Variants in BTBD2 observed in about 807,000 individuals in gnomAD.
BTBD2 encodes BTB/POZ domain-containing protein 2.
Under a neutral mutation model 44.0 loss-of-function variants are expected in BTBD2, and 15 were observed. That is an observed-to-expected ratio of 0.34 (90% CI 0.23 to 0.53). The LOEUF is 0.53. Ranked by LOEUF, BTBD2 falls within the 20% of genes least tolerant of loss-of-function variation. The pLI, the probability that BTBD2 is intolerant of heterozygous loss-of-function variation, is 0.95. For synonymous variants in BTBD2, 443 were observed against 335.9 expected, an observed-to-expected ratio of 1.32 and a Z score of -3.49; for missense variants, 657 against 746.4, an observed-to-expected ratio of 0.88 and a Z score of 1.39.
intron 1 of BTBD2, chr19:2,013,567 C>T: frequency 3.0e-6 from 3 of 987,144 alleles, no homozygotes; most frequent in Non-Finnish European, 3.6e-6. Context: ...GTCCAGGGTC[C>T]AGAGCCTGGC....
At chr19:1,986,754 A>T (rs1316412750) in intron 8 of BTBD2, 76 bp downstream of exon 8, 3 of 1,572,246 alleles carry the variant, frequency 1.9e-6, no homozygotes, top group East Asian at 4.5e-5. Context: ...GCCTCTGGAG[A>T]GTGTGTGCTG....
chr19:1,999,485 G>C (rs1222495679), intron 1 of BTBD2, among the ~76,000 whole-genome samples: 1 of 152,164 alleles, frequency 6.6e-6, no homozygotes, highest in Non-Finnish European at 1.5e-5. Context: ...GGGCAACATA[G>C]TGAGACCCCA....
intron 7 of BTBD2, 95 bp from the exon 8 acceptor site, chr19:1,987,071 A>C: frequency 6.3e-7 from 1 of 1,591,204 alleles, no homozygotes; most frequent in South Asian, 1.1e-5. Flanking sequence ...GGGGCAGCAC[A>C]GGGACCAGGG....
chr19:2,013,215 G>A (rs369585948), intron 1 of BTBD2, among the ~76,000 whole-genome samples: 2 of 152,200 alleles, frequency 1.3e-5, no homozygotes, highest in South Asian at 2.1e-4. Flanking sequence ...TCAGAAGGGA[G>A]GGCAGGACCC....
In BTBD2 at chr19:1,990,244, T is replaced by C. The variant is rs1456986927; in HGVS notation, c.791-43A>G. ...GGGCTGCGTGAACACGACACCCACA[T>C]GCCCACCCTGCAGGAGGCAGTGAGA... On this transcript the variant is annotated intron_variant, in intron 4 of 8. Transcript: ENST00000255608. 10 of 1,546,534 alleles carry C rather than the reference T, an allele frequency of 6.5e-6. No homozygotes were observed. In the Middle Eastern group the frequency reaches 6.7e-4, roughly 104 times the overall value.
intron 5 of BTBD2, 143 bp downstream of exon 5, chr19:1,989,861 A>G: frequency 5.1e-6 from 5 of 972,028 alleles, no homozygotes; most frequent in Admixed American, 2.3e-5. Flanking sequence ...GCGTCCTCAC[A>G]AGCCAGGTTT....
At chr19:1,988,113 C>G in intron 5 of BTBD2, 1 of 170,480 alleles carries the variant, frequency 5.9e-6, no homozygotes, top group Non-Finnish European at 1.3e-5. Flanking sequence ...GGCTGCAGCC[C>G]TGGCTTCTAG....
At chr19:1,999,478 C>G (rs2016297216) in intron 1 of BTBD2, among the ~76,000 whole-genome samples, 1 of 152,166 alleles carries the variant, frequency 6.6e-6, no homozygotes, top group South Asian at 2.1e-4. Flanking sequence ...CCAGCCTGGG[C>G]AACATAGTGA....
chr19:1,999,226 T>C (rs989728128), intron 1 of BTBD2, among the ~76,000 whole-genome samples: 1 of 152,160 alleles, frequency 6.6e-6, no homozygotes, highest in Non-Finnish European at 1.5e-5. Context: ...ACGCAGTGGC[T>C]TCCACATGGG....
rs141725644 is a variant in BTBD2 at position 1,997,471 on chromosome 19, G to A, written c.408-8C>T. The A allele has an allele frequency of 4.9e-3, 7,986 of 1,613,842 alleles. 34 individuals carry two copies. The highest frequency in any genetic ancestry group is 5.3e-3 in the Non-Finnish European group (6,202 of 1,179,980). Reference sequence around the variant, plus strand: ...CCCACGGCCAGCACGAACCTGGTACGGGAGAGAGAAGGCCCTGGTTAAGCC... The same window carrying A: ...CCCACGGCCAGCACGAACCTGGTACAGGAGAGAGAAGGCCCTGGTTAAGCC... On this transcript the variant is annotated splice_polypyrimidine_tract_variant and splice_region_variant and intron_variant, in intron 1 of 8. Coordinates refer to ENST00000255608, the MANE Select transcript of BTBD2 (RefSeq NM_017797.4).
intron 2 of BTBD2, among the ~76,000 whole-genome samples, chr19:1,995,360 C>A (rs961634050): frequency 2.7e-5 from 4 of 148,698 alleles, no homozygotes; most frequent in Non-Finnish European, 5.9e-5. Flanking sequence ...CAGCTCACTG[C>A]AAGCTCTGCC....
At chr19:2,006,154 C>T (rs1309056918) in intron 1 of BTBD2, among the ~76,000 whole-genome samples, 1 of 151,856 alleles carries the variant, frequency 6.6e-6, no homozygotes, top group African/African-American at 2.4e-5. Context: ...ACTAGACACA[C>T]ATGGCTATTT....
intron 1 of BTBD2, chr19:2,002,578 A>C (rs1289710808): frequency 6.6e-6 from 1 of 152,156 alleles, no homozygotes; most frequent in African/African-American, 2.4e-5. Flanking sequence ...GGGTTGAGTT[A>C]AATTGTAGGA....
At chr19:2,012,163 T>A (rs2145655199) in intron 1 of BTBD2, among the ~76,000 whole-genome samples, 1 of 107,240 alleles carries the variant, frequency 9.3e-6, no homozygotes, top group South Asian at 2.9e-4. Context: ...CTGTCCTTTA[T>A]TTTTTTTGAG....
intron 1 of BTBD2, 96 bp from the exon 2 acceptor site, chr19:1,997,559 G>A (rs2016268110): frequency 1.3e-6 from 2 of 1,540,808 alleles, no homozygotes; most frequent in Admixed American, 3.7e-5. Flanking sequence ...CCCCACTAGG[G>A]CTCCCTGCCA....
chr19:2,007,555 G>T (rs2016410297), intron 1 of BTBD2, among the ~76,000 whole-genome samples: 1 of 152,112 alleles, frequency 6.6e-6, no homozygotes, highest in Non-Finnish European at 1.5e-5. Context: ...CCCGCCTTAG[G>T]CCAGGGACGG....
rs935561071 is a variant in BTBD2, at chr19:1,987,526, G to T, written c.1155C>A (p.Gly385=). The T allele has an allele frequency of 1.2e-6, 2 of 1,600,706 alleles. No individual in the cohort carries two copies. The highest frequency in any genetic ancestry group is 1.7e-6 in the Non-Finnish European group (2 of 1,174,688). The change falls in exon 6 of 9, where the codon GGC becomes GGA. Residue 385 remains glycine, a synonymous_variant. Coordinates refer to ENST00000255608, the MANE Select transcript of BTBD2 (RefSeq NM_017797.4). The part of the protein sequence containing the change: ...NRFQQVESRW[G]YSGTSDRIRF... The stretch of plus-strand genomic sequence containing the variant: ...TGATGCGGTCACTGGTCCCGCTGTA[G>T]CCCCAGCGACTCTCCACCTGCTGGA...
intron 3 of BTBD2, 198 bp from the exon 4 acceptor site, chr19:1,991,020 G>A (rs985162410): frequency 1.3e-5 from 7 of 549,334 alleles, no homozygotes; most frequent in South Asian, 4.2e-5. Context: ...TGACTGGGGC[G>A]GGAGAGTTGG....
chr19:1,987,910 C>T (rs1052344963), intron 5 of BTBD2: 3 of 567,266 alleles, frequency 5.3e-6, no homozygotes, highest in East Asian at 3.0e-5. Flanking sequence ...CCGACAGATA[C>T]GCTCACTCAG....
Sources: allele counts gnomAD v4.1 joint callset (sites outside exome capture counted in the v4.1 genomes callset), GRCh38; gene constraint gnomAD v4.1.1; transcripts MANE v1.5; gene names NCBI Gene and HGNC (gene_info 2026-07-23, HGNC 2026-07-21).